Variants in DYRK4 observed in about 807,000 individuals in gnomAD.
DYRK4 encodes dual specificity tyrosine phosphorylation regulated kinase 4, also known as dual specificity tyrosine-phosphorylation-regulated kinase 4.
A neutral mutation model predicts 68.3 loss-of-function variants in DYRK4; 64 were observed. The observed-to-expected ratio is 0.94, with a 90% CI of 0.77 to 1.15. The LOEUF is 1.15. Ranked by LOEUF, DYRK4 falls within the 50% of genes most tolerant of loss-of-function variation. The pLI is 0.00. For synonymous variants in DYRK4, 274 were observed against 289.9 expected (o/e 0.95, Z 0.56); for missense variants, 740 against 764.7 (o/e 0.97, Z 0.38).
chr12:4,608,922 C>T (rs964329337), intron 12 of DYRK4, among the ~76,000 whole-genome samples: 21 of 152,180 alleles, frequency 1.4e-4, no homozygotes, highest in African/African-American at 3.6e-4. Flanking sequence ...ATGGAGCACG[C>T]GAACTGGTCT....
At chr12:4,564,026 G>A (rs895439916) in intron 1 of DYRK4, among the ~76,000 whole-genome samples, 1 of 152,148 alleles carries the variant, frequency 6.6e-6, no homozygotes, top group Non-Finnish European at 1.5e-5. Flanking sequence ...CTTCCCCAGG[G>A]TGGGAAAATG....
At chr12:4,596,113 T>A (rs373918431) in intron 6 of DYRK4, 36 bp from the exon 7 acceptor site, 3 of 1,608,404 alleles carry the variant, frequency 1.9e-6, no homozygotes, top group Non-Finnish European at 2.6e-6. Context: ...TGGGAGCCCA[T>A]GGCTTTGCTC....
intron 2 of DYRK4, among the ~76,000 whole-genome samples, chr12:4,574,992 T>A (rs1380775138): frequency 6.6e-6 from 1 of 152,306 alleles, no homozygotes; most frequent in East Asian, 1.9e-4. Flanking sequence ...AGTGCAGGGA[T>A]CATAGGCGTG....
intron 2 of DYRK4, among the ~76,000 whole-genome samples, chr12:4,571,702 T>C (rs1944732194): frequency 6.6e-6 from 1 of 152,244 alleles, no homozygotes; most frequent in Admixed American, 6.5e-5. Context: ...TATGTTAAAA[T>C]AGTATTTTGA....
At chr12:4,612,461 A>T in intron 13 of DYRK4, 82 bp from the exon 14 acceptor site, 1 of 1,419,568 alleles carries the variant, frequency 7.0e-7, no homozygotes. Context: ...TTAAATAAAA[A>T]TCTTTATTGG....
intron 2 of DYRK4, among the ~76,000 whole-genome samples, chr12:4,580,518 G>C (rs1944830987): frequency 6.6e-6 from 1 of 152,170 alleles, no homozygotes; most frequent in South Asian, 2.1e-4. Context: ...TAATCCCTTA[G>C]CTGGGGACCC....
rs933045569 is a variant in DYRK4 at position 4,613,198 on chromosome 12, A to G, written c.1667-317A>G. Among the ~76,000 whole-genome samples the G allele has an allele frequency of 2.6e-5, 4 of 152,216 alleles. No individual in the cohort carries two copies. The highest frequency in any genetic ancestry group is 5.9e-5 in the Non-Finnish European group (4 of 68,032). ...GCCTAGTGGTTAGGTACATGGTCAC[A>G]AGAGTCAGGTTACCTGGGGATTAAA... is the stretch of plus-strand genomic sequence containing the variant. On this transcript the variant is annotated intron_variant, in intron 14 of 14. Transcript: ENST00000543431. This position sits in a 1 kb window ranked among gnomAD's most constrained non-coding sequence, Gnocchi z 4.0.
At chr12:4,577,234 AG>A (rs1944798627) in intron 2 of DYRK4, among the ~76,000 whole-genome samples, 1 of 152,114 alleles carries the variant, frequency 6.6e-6, no homozygotes, top group African/African-American at 2.4e-5. Context: ...CAATTGTGCC[AG>A]CACTGTTTTT....
chr12:4,575,599 G>A (rs147414026), intron 2 of DYRK4, among the ~76,000 whole-genome samples: 2 of 152,186 alleles, frequency 1.3e-5, no homozygotes, highest in East Asian at 3.9e-4. Context: ...ATGAGCCACC[G>A]TGCCCAGCCA....
At chr12:4,583,281 T>C (rs1310980841) in intron 2 of DYRK4, among the ~76,000 whole-genome samples, 2 of 151,988 alleles carry the variant, frequency 1.3e-5, no homozygotes, top group Admixed American at 1.3e-4. Flanking sequence ...AGTCTTGCCA[T>C]TTTCAAACAT....
intron 2 of DYRK4, among the ~76,000 whole-genome samples, chr12:4,571,884 C>G (rs1199226997): frequency 6.6e-6 from 1 of 152,240 alleles, no homozygotes; most frequent in African/African-American, 2.4e-5. Flanking sequence ...TTTTACTGGA[C>G]TGGCTCAGTG....
chr12:4,605,418 TGA>T (rs1433548041), intron 11 of DYRK4, among the ~76,000 whole-genome samples: 1 of 152,220 alleles, frequency 6.6e-6, no homozygotes, highest in Non-Finnish European at 1.5e-5. Context: ...AAAATCTATC[TGA>T]TAGTATGTGA....
At chr12:4,599,664 G>T in intron 9 of DYRK4, 43 bp from the exon 10 acceptor site, 4 of 1,507,534 alleles carry the variant, frequency 2.7e-6, no homozygotes, top group Non-Finnish European at 1.8e-6. Context: ...AGGGCCTAGG[G>T]CCGCATTACT....
intron 2 of DYRK4, among the ~76,000 whole-genome samples, chr12:4,578,988 G>T (rs1591790193): frequency 5.3e-5 from 8 of 152,254 alleles, no homozygotes; most frequent in Admixed American, 5.2e-4. Flanking sequence ...GACATAAACT[G>T]CAAATGGGCC....
intron 2 of DYRK4, among the ~76,000 whole-genome samples, chr12:4,584,411 A>G (rs1944873953): frequency 6.6e-6 from 1 of 152,182 alleles, no homozygotes; most frequent in Non-Finnish European, 1.5e-5. Flanking sequence ...TGAGGCAAGA[A>G]GAAGAGCAGG....
chr12:4,611,478 T>G (rs1427507351), intron 13 of DYRK4, among the ~76,000 whole-genome samples: 6 of 152,002 alleles, frequency 3.9e-5, no homozygotes, highest in African/African-American at 1.4e-4. Context: ...GGGACTGTTA[T>G]CTTATATATA....
intron 13 of DYRK4, chr12:4,610,523 GT>G: frequency 3.0e-6 from 1 of 330,380 alleles, no homozygotes; most frequent in Non-Finnish European, 5.5e-6. Context: ...GGAGGTTGGG[GT>G]TCAAAGAGAT....
chr12:4,596,366 G>A, intron 7 of DYRK4, 81 bp downstream of exon 7: 5 of 1,588,372 alleles, frequency 3.1e-6, no homozygotes, highest in Non-Finnish European at 4.3e-6. Context: ...CTTCCTGACT[G>A]TGCCTCTCCC....
chr12:4,612,850 A>AT, intron 14 of DYRK4, 132 bp downstream of exon 14: 1 of 947,440 alleles, frequency 1.1e-6, no homozygotes, highest in East Asian at 2.6e-5. Flanking sequence ...TGTTTTTAAT[A>AT]TTCTGTTTAA....
Sources: allele counts gnomAD v4.1 joint callset (sites outside exome capture counted in the v4.1 genomes callset), GRCh38; gene constraint gnomAD v4.1.1; non-coding constraint Gnocchi (gnomAD v3.1); transcripts MANE v1.5; gene names NCBI Gene and HGNC (gene_info 2026-07-23, HGNC 2026-07-21).